FANK1: variants seen among roughly 807,000 people sequenced by gnomAD.
FANK1 encodes the protein fibronectin type III and ankyrin repeat domains 1, also known as fibronectin type 3 and ankyrin repeat domains protein 1.
Under a neutral mutation model 45.3 loss-of-function variants are expected in FANK1, and 44 were observed. That is an observed-to-expected ratio of 0.97 (90% CI 0.76 to 1.25). FANK1 has a LOEUF of 1.25. Among genes scored for constraint, FANK1 ranks in the 50% most tolerant of loss-of-function variants. The pLI, the probability that FANK1 is intolerant of heterozygous loss-of-function variation, is 0.00. For synonymous variants in FANK1, 149 were observed against 152.5 expected (o/e 0.98, Z 0.17); for missense variants, 391 against 424.4 (o/e 0.92, Z 0.69).
intron 1 of FANK1, among the ~76,000 whole-genome samples, chr10:125,946,012 C>G (rs929046184): frequency 6.6e-6 from 1 of 152,148 alleles, no homozygotes; most frequent in African/African-American, 2.4e-5. Flanking sequence ...ACACCTCACA[C>G]GGCAGGGTAT....
intron 1 of FANK1, among the ~76,000 whole-genome samples, chr10:125,911,776 C>T (rs1946032079): frequency 6.6e-6 from 1 of 152,174 alleles, no homozygotes; most frequent in African/African-American, 2.4e-5. Flanking sequence ...ATTGAGTCTT[C>T]CTCATCTGCA....
chr10:125,918,585 A>AAATATATAT (rs1554913277), intron 1 of FANK1, among the ~76,000 whole-genome samples: 2 of 70,974 alleles, frequency 2.8e-5, no homozygotes, highest in African/African-American at 7.9e-5. Context: ...AAAAAAAAAA[A>AAATATATAT]ATATATATAT....
At chr10:125,978,730 C>G (rs554201916) in intron 1 of FANK1, among the ~76,000 whole-genome samples, 1 of 152,176 alleles carries the variant, frequency 6.6e-6, no homozygotes, top group African/African-American at 2.4e-5. Context: ...TGCCCCTCCC[C>G]CTGGGAGCTC....
At chr10:126,003,504 T>G (rs577780630) in intron 6 of FANK1, among the ~76,000 whole-genome samples, 3 of 152,302 alleles carry the variant, frequency 2.0e-5, no homozygotes, top group African/African-American at 7.2e-5. Context: ...AGGCCTGTGA[T>G]GCAGGTTGTC....
chr10:125,905,518 A>G (rs928106436), intron 1 of FANK1, among the ~76,000 whole-genome samples: 1 of 152,214 alleles, frequency 6.6e-6, no homozygotes, highest in African/African-American at 2.4e-5. Context: ...ACAACCTTTC[A>G]ATTTGTTGCT....
At chr10:126,002,353 G>A (rs10794051) in intron 6 of FANK1, among the ~76,000 whole-genome samples, 96,077 of 151,980 alleles carry the variant, frequency 0.63, 31,041 homozygotes, top group East Asian at 0.78. Flanking sequence ...TTAGAGTTCT[G>A]TTTGAATATA....
intron 1 of FANK1, among the ~76,000 whole-genome samples, chr10:125,933,670 T>G (rs1204856903): frequency 1.3e-5 from 2 of 152,146 alleles, no homozygotes; most frequent in Non-Finnish European, 2.9e-5. Context: ...TTTCTTCTGC[T>G]GGGTTTGGGT....
At chr10:125,914,182 A>T (rs1329710780) in intron 1 of FANK1, among the ~76,000 whole-genome samples, 1 of 151,948 alleles carries the variant, frequency 6.6e-6, no homozygotes, top group Admixed American at 6.5e-5. Context: ...TAAACATAGG[A>T]TATGTTAAGT....
In FANK1 at chr10:125,963,943, C is replaced by T. The variant is rs1200681584; in HGVS notation, c.14-16218C>T. 4.6e-5 allele frequency among the ~76,000 whole-genome samples: 7 copies of T among 151,840 alleles called. No individual in the cohort carries two copies. In the East Asian group the frequency reaches 1.4e-3, roughly 29 times the overall value. On this transcript the variant is annotated intron_variant, in intron 1 of 10. Coordinates refer to ENST00000368693, the MANE Select transcript of FANK1 (RefSeq NM_145235.5). Reference sequence around the variant, plus strand: ...TTTTGCAGTGCAGCTTACCTGGATACCTATTTAGTTGGGAGAAGGGTAAGA... The same window carrying T: ...TTTTGCAGTGCAGCTTACCTGGATATCTATTTAGTTGGGAGAAGGGTAAGA...
At chr10:125,957,217 A>T (rs1949635325) in intron 1 of FANK1, among the ~76,000 whole-genome samples, 1 of 152,144 alleles carries the variant, frequency 6.6e-6, no homozygotes, top group South Asian at 2.1e-4. Flanking sequence ...GCTTGATGTT[A>T]TGCACAAGAA....
At chr10:125,940,263 G>C (rs906818712) in intron 1 of FANK1, among the ~76,000 whole-genome samples, 2 of 152,132 alleles carry the variant, frequency 1.3e-5, no homozygotes, top group African/African-American at 4.8e-5. Context: ...AGTATTTATT[G>C]ATTACTGTTT....
At chr10:125,963,824 A>G (rs1170177724) in intron 1 of FANK1, among the ~76,000 whole-genome samples, 1 of 152,146 alleles carries the variant, frequency 6.6e-6, no homozygotes, top group Admixed American at 6.5e-5. Context: ...GCACACCAAC[A>G]TGGCACATGT....
intron 1 of FANK1, among the ~76,000 whole-genome samples, chr10:125,957,189 T>A (rs973766317): frequency 6.6e-6 from 1 of 152,176 alleles, no homozygotes; most frequent in African/African-American, 2.4e-5. Context: ...ACAATCTTCC[T>A]TCAAATAATA....
rs140142460 is a variant in FANK1, at chr10:125,961,668, A to C, written c.14-18493A>C. Among the ~76,000 whole-genome samples, 104 of 152,374 alleles carry C rather than the reference A, an allele frequency of 6.8e-4. No homozygotes were observed. The South Asian group carries it at 9.5e-3, about 14-fold the overall frequency. On this transcript the variant is annotated intron_variant, in intron 1 of 10. Coordinates refer to ENST00000368693, the MANE Select transcript of FANK1 (RefSeq NM_145235.5). ...AAGAAAACATAGGGGGAAGCCCTTC[A>C]GGACATTGGTCTGGGAAAATATTTT...
At chr10:125,989,211 C>T (rs559920819) in intron 3 of FANK1, 72 of 1,430,126 alleles carry the variant, frequency 5.0e-5, no homozygotes, top group Non-Finnish European at 5.6e-5. Flanking sequence ...GCCCTTCAGC[C>T]GGCTGAGTTT....
intron 1 of FANK1, among the ~76,000 whole-genome samples, chr10:125,945,937 C>T (rs1203079159): frequency 6.6e-6 from 1 of 151,654 alleles, no homozygotes; most frequent in East Asian, 2.1e-4. Context: ...AAGTGGGTCC[C>T]TGACCACTGA....
At chr10:125,960,195 G>A in intron 1 of FANK1, 1 of 227,646 alleles carries the variant, frequency 4.4e-6, no homozygotes, top group African/African-American at 2.3e-5. Context: ...CTTTCCTAGA[G>A]TCTTCAGGGT....
intron 1 of FANK1, among the ~76,000 whole-genome samples, chr10:125,950,432 C>G (rs1431698937): frequency 6.6e-6 from 1 of 150,634 alleles, no homozygotes; most frequent in Admixed American, 6.6e-5. Flanking sequence ...AAAAAACAAA[C>G]AACCCCATCA....
In FANK1 at chr10:125,969,974, A is replaced by G. The variant is rs578220604; in HGVS notation, c.14-10187A>G. ...TTATATATTAACAGCATCCCAAGGC[A>G]GAAGAATTTTTCTTAGTACAGAACG... On this transcript the variant is annotated intron_variant, in intron 1 of 10. Coordinates refer to ENST00000368693, the MANE Select transcript of FANK1 (RefSeq NM_145235.5). Among the ~76,000 whole-genome samples the G allele has an allele frequency of 3.3e-5, 5 of 152,372 alleles. No homozygotes were observed. The East Asian group carries it at 9.6e-4, about 29-fold the overall frequency.
Sources: gnomAD v4.1 joint callset for allele counts (sites outside exome capture counted in the v4.1 genomes callset) on GRCh38, gnomAD v4.1.1 for gene constraint, MANE v1.5 for transcripts, NCBI Gene and HGNC (gene_info 2026-07-23, HGNC 2026-07-21) for gene names.